Variants in ARK2N observed in about 807,000 individuals in gnomAD.
ARK2N encodes the protein arkadia (RNF111) N-terminal like PKA signaling regulator 2N.
chr18:46,215,826 C>A, the ARK2N span: 1 of 1,517,068 alleles, frequency 6.6e-7, no homozygotes, highest in Non-Finnish European at 8.9e-7. Flanking sequence ...TTTCCTGTTG[C>A]ATCTTTGATA....
the ARK2N span, among the ~76,000 whole-genome samples, chr18:46,181,828 C>T: frequency 1.3e-5 from 2 of 152,112 alleles, no homozygotes; most frequent in African/African-American, 4.8e-5. Flanking sequence ...GGCTGGTCTC[C>T]AACTCCTGGG....
the ARK2N span, among the ~76,000 whole-genome samples, chr18:46,192,770 A>G: frequency 2.0e-5 from 3 of 150,692 alleles, no homozygotes; most frequent in African/African-American, 7.3e-5. Flanking sequence ...GGGTTTCACT[A>G]TGTTGGCCAG....
chr18:46,263,857 T>A, the ARK2N span: 1 of 152,584 alleles, frequency 6.6e-6, no homozygotes, highest in Non-Finnish European at 1.5e-5. Flanking sequence ...CACCATGAGG[T>A]GTTCTGGGCA....
At chr18:46,261,180 A>G in the ARK2N span, among the ~76,000 whole-genome samples, 2 of 152,146 alleles carry the variant, frequency 1.3e-5, no homozygotes, top group South Asian at 2.1e-4. Context: ...GTTTGGGTCT[A>G]TTTTTGTACT....
the ARK2N span, among the ~76,000 whole-genome samples, chr18:46,246,746 C>T: frequency 6.9e-6 from 1 of 145,974 alleles, no homozygotes; most frequent in African/African-American, 2.5e-5. Context: ...AGTTCGAGAC[C>T]AGCCTTACCA....
At chr18:46,202,825 A>C in the ARK2N span, among the ~76,000 whole-genome samples, 98,342 of 150,726 alleles carry the variant, frequency 0.65, 33,349 homozygotes, top group Non-Finnish European at 0.74. Flanking sequence ...AAGAAAGAAA[A>C]GAAAACTAGA....
the ARK2N span, among the ~76,000 whole-genome samples, chr18:46,202,379 A>G: frequency 2.6e-5 from 4 of 152,226 alleles, no homozygotes; most frequent in Non-Finnish European, 5.9e-5. Context: ...AAGGCATTCA[A>G]CATAGGAAAG....
the ARK2N span, among the ~76,000 whole-genome samples, chr18:46,197,901 G>A: frequency 5.3e-5 from 8 of 152,184 alleles, no homozygotes; most frequent in Admixed American, 2.6e-4. Context: ...TTTGTATGCC[G>A]TTATGGGTAT....
At chr18:46,206,216 G>A in the ARK2N span, among the ~76,000 whole-genome samples, 1 of 151,790 alleles carries the variant, frequency 6.6e-6, no homozygotes, top group East Asian at 1.9e-4. Context: ...TCCCTGAGTA[G>A]CTGAGACTAC....
At chr18:46,176,697 A>AACCTCC in the ARK2N span, among the ~76,000 whole-genome samples, 2 of 151,378 alleles carry the variant, frequency 1.3e-5, no homozygotes, top group South Asian at 4.2e-4. Flanking sequence ...CACTCACCGC[A>AACCTCC]ACCTCCACCT....
the ARK2N span, among the ~76,000 whole-genome samples, chr18:46,184,723 T>TAAC: frequency 0.019 from 2,864 of 151,986 alleles, 79 homozygotes; most frequent in African/African-American, 0.061. Context: ...ACCCTGTCTC[T>TAAC]AACAACAACA....
the ARK2N span, among the ~76,000 whole-genome samples, chr18:46,225,061 C>G: frequency 6.6e-6 from 1 of 152,184 alleles, no homozygotes; most frequent in Non-Finnish European, 1.5e-5. Context: ...TTCCAAGATG[C>G]AGAGGCAGAC....
chr18:46,189,845 CAG>C, the ARK2N span, among the ~76,000 whole-genome samples: 1 of 152,208 alleles, frequency 6.6e-6, no homozygotes, highest in African/African-American at 2.4e-5. Context: ...GCCTGGGTGA[CAG>C]AGTGAGACAC....
At chr18:46,199,889 A>G in the ARK2N span, among the ~76,000 whole-genome samples, 3 of 152,142 alleles carry the variant, frequency 2.0e-5, no homozygotes, top group Admixed American at 2.0e-4. Context: ...GGCAACAAGA[A>G]CTAATACAGA....
chr18:46,180,695 C>A, the ARK2N span, among the ~76,000 whole-genome samples: 1 of 150,326 alleles, frequency 6.7e-6, no homozygotes, highest in African/African-American at 2.5e-5. Flanking sequence ...AAGAGGGAAA[C>A]TCTGTCTCAA....
chr18:46,184,993 TC>T, the ARK2N span, among the ~76,000 whole-genome samples: 1 of 152,220 alleles, frequency 6.6e-6, no homozygotes, highest in Non-Finnish European at 1.5e-5. Context: ...AGCAGTTGAG[TC>T]AGTTTTTGTC....
chr18:46,236,837 TTTTG>T, the ARK2N span, among the ~76,000 whole-genome samples: 1 of 130,326 alleles, frequency 7.7e-6, no homozygotes, highest in Non-Finnish European at 1.7e-5. Context: ...TCTGTTTTTT[TTTTG>T]TTGTTGTTGT....
At chr18:46,228,107 A>T in the ARK2N span, among the ~76,000 whole-genome samples, 1,640 of 152,170 alleles carry the variant, frequency 0.011, 35 homozygotes, top group African/African-American at 0.036. Flanking sequence ...GATTTTTTTT[A>T]AAATTAAGTT....
chr18:46,211,068 A>G, the ARK2N span, among the ~76,000 whole-genome samples: 1 of 152,320 alleles, frequency 6.6e-6, no homozygotes, highest in South Asian at 2.1e-4. Context: ...AAAGGCATTA[A>G]TTGGTTTAAA....
Sources: allele counts gnomAD v4.1 joint callset (sites outside exome capture counted in the v4.1 genomes callset), GRCh38; gene constraint gnomAD v4.1.1; transcripts MANE v1.5; gene names NCBI Gene and HGNC (gene_info 2026-07-23, HGNC 2026-07-21).